MYO9A: variants seen among roughly 807,000 people sequenced by gnomAD.
The protein encoded by MYO9A is unconventional myosin-IXa.
MYO9A carries 103 observed loss-of-function variants against 293.3 expected under a neutral mutation model. The ratio of observed to expected loss-of-function variants is 0.35; its 90% CI spans 0.30 to 0.41. The LOEUF (loss-of-function observed/expected upper bound fraction) is 0.41, where lower values mean the gene tolerates loss of function less well. MYO9A is among the 10% of genes least tolerant of loss of function. MYO9A has a pLI of 1.00. For synonymous variants in MYO9A, 1,001 were observed against 1,035.7 expected (o/e 0.97, Z 0.64); for missense variants, 2,685 against 3,033.0 (o/e 0.89, Z 2.69).
chr15:72,024,716 CTACA>C (rs2077610257), intron 4 of MYO9A, among the ~76,000 whole-genome samples: 1 of 152,084 alleles, frequency 6.6e-6, no homozygotes, highest in African/African-American at 2.4e-5. Context: ...AGGAATAGAA[CTACA>C]TACAAAGTTT....
At chr15:71,966,999 A>C (rs1441184113) in intron 13 of MYO9A, among the ~76,000 whole-genome samples, 2 of 152,060 alleles carry the variant, frequency 1.3e-5, no homozygotes, top group Non-Finnish European at 2.9e-5. Context: ...CAATTATTTC[A>C]CCATATCAAA....
At chr15:72,055,401 AG>A (rs1180907804) in intron 1 of MYO9A, among the ~76,000 whole-genome samples, 2 of 152,240 alleles carry the variant, frequency 1.3e-5, no homozygotes, top group Non-Finnish European at 2.9e-5. Flanking sequence ...AAACCCTCCC[AG>A]GCCTTGGCTT....
chr15:71,830,973 C>CTTTTTTTTTTTTTTTTTTTTTTT (rs67440366), intron 39 of MYO9A, among the ~76,000 whole-genome samples: 1 of 103,080 alleles, frequency 9.7e-6, no homozygotes, highest in African/African-American at 3.9e-5. Flanking sequence ...CTGCTTCTTC[C>CTTTTTTTTTTTTTTTTTTTTTTT]TTTTTTTTTT....
chr15:71,941,536 T>C (rs1194349580), intron 15 of MYO9A, among the ~76,000 whole-genome samples: 1 of 152,208 alleles, frequency 6.6e-6, no homozygotes, highest in African/African-American at 2.4e-5. Context: ...CTTGAGATGG[T>C]ATCAAATATT....
chr15:72,116,031 T>C (rs992180803), intron 1 of MYO9A, among the ~76,000 whole-genome samples: 2 of 152,152 alleles, frequency 1.3e-5, no homozygotes, highest in Non-Finnish European at 2.9e-5. Context: ...AGGCTATGTA[T>C]AGAATGTAAA....
intron 13 of MYO9A, among the ~76,000 whole-genome samples, chr15:71,964,564 G>C (rs1362834768): frequency 6.7e-6 from 1 of 150,144 alleles, no homozygotes; most frequent in East Asian, 2.0e-4. Flanking sequence ...GGCGGATCAC[G>C]AGGTGAAGAA....
chr15:71,852,090 C>G (rs1383746425), intron 36 of MYO9A, 42 bp downstream of exon 36: 1 of 1,552,764 alleles, frequency 6.4e-7, no homozygotes, highest in African/African-American at 1.4e-5. Flanking sequence ...ATTTCTTTCC[C>G]AACTATAGGC....
At chr15:72,101,025 T>G (rs1596573808) in intron 1 of MYO9A, among the ~76,000 whole-genome samples, 2 of 115,064 alleles carry the variant, frequency 1.7e-5, no homozygotes, top group Non-Finnish European at 1.8e-5. Flanking sequence ...GGTAGGCGGG[T>G]CAGCCCCCCG....
chr15:71,854,432 A>G lies in MYO9A; in HGVS notation c.6291T>C (p.Tyr2097=), dbSNP rs752305195. The G allele has an allele frequency of 6.2e-6, 10 of 1,609,054 alleles. No homozygotes were observed. In the South Asian group the frequency reaches 1.1e-4, roughly 18 times the overall value. Residue 2097 remains tyrosine, a synonymous_variant, in exon 35 of 42, where the codon TAT becomes TAC. Transcript: ENST00000356056. The stretch of plus-strand genomic sequence containing the variant: ...TTTTATTAGTCGAACCAGACTTTCG[A>G]TAAATACCTTCTGTATACAGTCCAT... ...EMHGLYTEGI[Y]RKSGSTNKIK...
intron 32 of MYO9A, among the ~76,000 whole-genome samples, chr15:71,864,024 A>G (rs2056239112): frequency 6.6e-6 from 1 of 152,254 alleles, no homozygotes; most frequent in Admixed American, 6.5e-5. Context: ...CCATTAAGAA[A>G]AAAAGATAAA....
chr15:72,104,896 A>C (rs967028756), intron 1 of MYO9A, among the ~76,000 whole-genome samples: 1 of 152,236 alleles, frequency 6.6e-6, no homozygotes. Context: ...TGTACATAAG[A>C]GCAGAATTTT....
intron 18 of MYO9A, among the ~76,000 whole-genome samples, chr15:71,931,685 CT>C (rs1443214074): frequency 2.6e-5 from 4 of 152,104 alleles, no homozygotes; most frequent in Non-Finnish European, 4.4e-5. Context: ...TTTTCTCTCA[CT>C]TTTTCTTTCT....
intron 1 of MYO9A, among the ~76,000 whole-genome samples, chr15:72,099,422 C>CAAAAAAAAA: frequency 1.1e-5 from 1 of 90,172 alleles, no homozygotes; most frequent in South Asian, 3.7e-4. Flanking sequence ...GACCCTGCCC[C>CAAAAAAAAA]AAAAAAAAAA....
chr15:72,117,859 C>T lies in MYO9A; in HGVS notation c.-251G>A, dbSNP rs543763534. 7 of 398,570 alleles carry T rather than the reference C, an allele frequency of 1.8e-5. No homozygotes were observed. Among genetic ancestry groups the T allele is most frequent in the Non-Finnish European group, 8.9e-6 (2 of 225,858 alleles). 24.7% of individuals were successfully genotyped at this position (398,570 alleles called of 1,614,324 possible). A position where few individuals can be genotyped will look rare whatever the true frequency, so the allele number is the denominator to read the frequency against. On this transcript the variant is annotated 5_prime_UTR_variant, in exon 1 of 42. Transcript: ENST00000356056. ...TCCGGGCGAGCGGCCGCGGCGCATC[C>T]CCCGCCCTGTCAGAGAGACTCCGCC...
intron 8 of MYO9A, among the ~76,000 whole-genome samples, chr15:72,000,223 C>T (rs1567367478): frequency 6.6e-6 from 1 of 152,110 alleles, no homozygotes. Context: ...GTATAAAAAA[C>T]ATTTTAAGAT....
intron 6 of MYO9A, among the ~76,000 whole-genome samples, chr15:72,013,500 C>T (rs1450339892): frequency 1.3e-5 from 2 of 152,192 alleles, no homozygotes; most frequent in Non-Finnish European, 2.9e-5. Flanking sequence ...ACTGTTACAA[C>T]CCCTTCCACT....
intron 34 of MYO9A, among the ~76,000 whole-genome samples, chr15:71,856,489 G>A (rs2141515927): frequency 6.6e-6 from 1 of 152,078 alleles, no homozygotes; most frequent in Admixed American, 6.6e-5. Context: ...GTGTTGGAAA[G>A]CAAGTAATAG....
intron 6 of MYO9A, among the ~76,000 whole-genome samples, chr15:72,011,856 T>TGA (rs1455255746): frequency 6.6e-6 from 1 of 152,214 alleles, no homozygotes; most frequent in Non-Finnish European, 1.5e-5. Flanking sequence ...GTATATGAAC[T>TGA]GTTAATTGTC....
intron 1 of MYO9A, among the ~76,000 whole-genome samples, chr15:72,092,336 A>G (rs1410189239): frequency 6.6e-6 from 1 of 152,262 alleles, no homozygotes; most frequent in Non-Finnish European, 1.5e-5. Flanking sequence ...CTGAGCAGAA[A>G]AGAATGATGG....
Sources: gnomAD v4.1 joint callset for allele counts (sites outside exome capture counted in the v4.1 genomes callset) on GRCh38, gnomAD v4.1.1 for gene constraint, MANE v1.5 for transcripts, NCBI Gene and HGNC (gene_info 2026-07-23, HGNC 2026-07-21) for gene names.